Variants in IGFALS observed in about 807,000 individuals in gnomAD.
The protein encoded by IGFALS is insulin like growth factor binding protein acid labile subunit.
A neutral mutation model predicts 2.6 loss-of-function variants in IGFALS; 2 were observed. That is an observed-to-expected ratio of 0.77 (90% CI 0.32 to 2.44). IGFALS has a LOEUF of 2.44. Among genes scored for constraint, IGFALS ranks in the 30% most tolerant of loss-of-function variants. IGFALS has a pLI of 0.11. For synonymous variants in IGFALS, 519 were observed against 431.9 expected (o/e 1.20, Z -2.50); for missense variants, 996 against 848.7 (o/e 1.17, Z -2.16).
At chr16:1,794,468 G>T (rs960754495), upstream of IGFALS, among the ~76,000 whole-genome samples, 2 of 152,152 alleles carry the variant, frequency 1.3e-5, no homozygotes, top group African/African-American at 4.8e-5. Context: ...CAAGGCTCTG[G>T]TGAGGGCCTG....
rs370544997 is a variant in IGFALS at position 1,791,213 on chromosome 16, C to T, written c.1205G>A (p.Arg402His). 45 of 1,607,720 alleles carry T rather than the reference C, an allele frequency of 2.8e-5. No homozygotes were observed. The highest frequency in any genetic ancestry group is 3.6e-5 in the Non-Finnish European group (43 of 1,179,870). ...CGAGAGGCCGGTGAAGGTGTGCGGG[C>T]GGATGCGTCCCAGGCAGCTGCCCTC... ...HLEGSCLGRIRPHTFTGLSGL... is the reference protein window; with the variant it reads ...HLEGSCLGRIHPHTFTGLSGL... Residue 402 changes from arginine (R) to histidine (H), a missense_variant, in exon 2 of 2, where the codon CGC becomes CAC. Coordinates refer to ENST00000215539, the MANE Select transcript of IGFALS (RefSeq NM_004970.3).
In IGFALS at chr16:1,791,710, G is replaced by T; in HGVS notation, c.708C>A (p.Asn236Lys). The T allele has an allele frequency of 6.4e-7, 1 of 1,568,352 alleles. No individual in the cohort carries two copies. Residue 236 changes from asparagine (N) to lysine (K), a missense_variant, in exon 2 of 2, where the codon AAC becomes AAA. Transcript: ENST00000215539. ...GGAGCCGGGGCAGCTGCACGAACAC[G>T]TTTGCCTTGATGGCCCGCAGCGCGT... ...SRNALRAIKA[N>K]VFVQLPRLQK... is the part of the protein sequence containing the mutation.
Position 1,792,016 on chromosome 16 carries a change from C to T in IGFALS, c.402G>A (p.Leu134=). The T allele has an allele frequency of 6.2e-7, 1 of 1,609,850 alleles. No homozygotes were observed. The part of the protein sequence containing the change: ...LCHLHLERNQ[L]RSLALGTFAH... ...CAAACGTGCCGAGTGCCAGGCTGCG[C>T]AGCTGGTTCCGCTCCAGGTGCAGGT... Residue 134 remains leucine (L), a synonymous_variant, in exon 2 of 2, where the codon CTG becomes CTA. Coordinates refer to ENST00000215539, the MANE Select transcript of IGFALS (RefSeq NM_004970.3).
rs754644024 is a variant in IGFALS at position 1,791,586 on chromosome 16, C to T, written c.832G>A (p.Val278Met). Residue 278 changes from valine (V) to methionine (M), a missense_variant, in exon 2 of 2, where the codon GTG becomes ATG. Physicochemically the swap from Val to Met is conservative, Grantham distance 21. Transcript: ENST00000215539. ...LRWLDLSHNR[V>M]AGLLEDTFPG... The stretch of plus-strand genomic sequence containing the variant: ...AACGTGTCCTCCAGGAGGCCAGCCA[C>T]GCGGTTGTGGGACAGGTCCAGCCAT... 2.1e-5 allele frequency: 33 copies of T among 1,563,268 alleles called. 1 individual carries two copies. The highest frequency in any genetic ancestry group is 1.1e-4 in the African/African-American group (8 of 73,534).
Position 1,791,098 on chromosome 16 carries a change from G to A in IGFALS, c.1320C>T (p.Asp440=), listed in dbSNP as rs1897212869. Residue 440 remains aspartate (D), a synonymous_variant, in exon 2 of 2, where the codon GAC becomes GAT. Coordinates refer to ENST00000215539, the MANE Select transcript of IGFALS (RefSeq NM_004970.3). The part of the protein sequence containing the change: ...LWGLAELLEL[D]LTSNQLTHLP... ...GGTGCGTGAGCTGGTTGGAGGTCAGGTCGAGCTCCAGCAGCTCCGCCAGCC... is the reference window on the plus strand; with the variant it reads ...GGTGCGTGAGCTGGTTGGAGGTCAGATCGAGCTCCAGCAGCTCCGCCAGCC... The A allele has an allele frequency of 1.2e-6, 2 of 1,600,712 alleles. No individual in the cohort carries two copies. The highest frequency in any genetic ancestry group is 1.7e-6 in the Non-Finnish European group (2 of 1,179,680).
Position 1,791,089 on chromosome 16 carries a change from G to C in IGFALS, c.1329C>G (p.Ser443=), listed in dbSNP as rs1229839589. The change falls in exon 2 of 2, where the codon TCC becomes TCG. Residue 443 remains serine (S), a synonymous_variant. Coordinates refer to ENST00000215539, the MANE Select transcript of IGFALS (RefSeq NM_004970.3). ...LAELLELDLT[S]NQLTHLPHRL... ...GGTGGGGCAGGTGCGTGAGCTGGTT[G>C]GAGGTCAGGTCGAGCTCCAGCAGCT... 6.2e-7 allele frequency: 1 copy of C among 1,600,086 alleles called. No homozygotes were observed. The highest frequency in any genetic ancestry group is 1.7e-5 in the Admixed American group (1 of 60,006).
chr16:1,794,404 A>G (rs1897291439), upstream of IGFALS, among the ~76,000 whole-genome samples: 1 of 152,102 alleles, frequency 6.6e-6, no homozygotes, highest in South Asian at 2.1e-4. Flanking sequence ...TGGCCTGGCC[A>G]TGGGAGCCAG....
intron 1 of IGFALS, 118 bp downstream of exon 1, chr16:1,793,499 TCCCCAGAGTCCCCCGCAGAC>T: frequency 1.4e-6 from 1 of 697,932 alleles, no homozygotes; most frequent in South Asian, 2.2e-5. Context: ...GACTGTGGGC[TCCCCAGAGTCCCCCGCAGAC>T]CCCCAGAGCT....
chr16:1,791,007 C>G lies in IGFALS; in HGVS notation c.1411G>C (p.Ala471Pro), dbSNP rs376821550. The G allele has an allele frequency of 6.3e-7, 1 of 1,598,168 alleles. No individual in the cohort carries two copies. The highest frequency in any genetic ancestry group is 2.2e-5 in the East Asian group (1 of 44,866). ...EYLLLSRNRL[A>P]ELPADALGPL... Reference sequence around the variant, plus strand: ...CCCAGGGCGTCCGCCGGCAGCTCTGCCAGGCGGTTGCGGGAGAGCAGCAGG... The same window carrying G: ...CCCAGGGCGTCCGCCGGCAGCTCTGGCAGGCGGTTGCGGGAGAGCAGCAGG... Residue 471 changes from alanine to proline, a missense_variant, in exon 2 of 2, where the codon GCA (alanine) becomes CCA (proline). By Grantham distance (27) the Ala-to-Pro change is conservative. Transcript: ENST00000215539.
chr16:1,791,135 T>G lies in IGFALS; in HGVS notation c.1283A>C (p.Gln428Pro). The G allele has an allele frequency of 6.2e-7, 1 of 1,604,966 alleles. No homozygotes were observed. Among genetic ancestry groups the G allele is most frequent in the Non-Finnish European group, 8.5e-7 (1 of 1,179,744 alleles). Reference sequence around the variant, plus strand: ...CAGCTCCGCCAGCCCCCACAGGCTCTGCTCCTCAATGCCCACGAGGCCGTT... The same window carrying G: ...CAGCTCCGCCAGCCCCCACAGGCTCGGCTCCTCAATGCCCACGAGGCCGTT... ...KDNGLVGIEE[Q>P]SLWGLAELLE... is the part of the protein sequence containing the mutation. Residue 428 changes from glutamine (Q) to proline (P), a missense_variant, in exon 2 of 2, where the codon CAG (glutamine) becomes CCG (proline). Gln to Pro is a moderately conservative substitution (Grantham distance 76). Transcript: ENST00000215539.
upstream of IGFALS, among the ~76,000 whole-genome samples, chr16:1,794,482 G>T (rs1309563493): frequency 6.6e-6 from 1 of 152,078 alleles, no homozygotes; most frequent in Non-Finnish European, 1.5e-5. Context: ...GGGCCTGGCC[G>T]CCCCACAGTC....
Position 1,791,863 on chromosome 16 carries a change from G to T in IGFALS, c.555C>A (p.Leu185=). 6.4e-7 allele frequency: 1 copy of T among 1,557,696 alleles called. No individual in the cohort carries two copies. The highest frequency in any genetic ancestry group is 8.7e-7 in the Non-Finnish European group (1 of 1,152,328). ...LNLGWNSLAV[L]PDAAFRGLGS... is the part of the protein sequence containing the mutation. Reference sequence around the variant, plus strand: ...CCAGGCCGCGGAACGCCGCATCGGGGAGCACCGCCAGGCTATTCCAGCCGA... The same window carrying T: ...CCAGGCCGCGGAACGCCGCATCGGGTAGCACCGCCAGGCTATTCCAGCCGA... The change falls in exon 2 of 2, where the codon CTC becomes CTA. Residue 185 remains leucine, a synonymous_variant. Coordinates refer to ENST00000215539, the MANE Select transcript of IGFALS (RefSeq NM_004970.3).
chr16:1,793,577 G>GC, intron 1 of IGFALS, 60 bp downstream of exon 1: 1 of 1,537,834 alleles, frequency 6.5e-7, no homozygotes, highest in Non-Finnish European at 8.9e-7. Flanking sequence ...CTCCCCAGCG[G>GC]GCTCAGGGTC....
chr16:1,792,105 G>T lies in IGFALS; in HGVS notation c.313C>A (p.Leu105Met), dbSNP rs780955668. 1.2e-6 allele frequency: 2 copies of T among 1,610,976 alleles called. No homozygotes were observed. The highest frequency in any genetic ancestry group is 1.7e-6 in the Non-Finnish European group (2 of 1,179,476). Residue 105 changes from leucine to methionine, a missense_variant, in exon 2 of 2, where the codon CTG (leucine) becomes ATG (methionine). Coordinates refer to ENST00000215539, the MANE Select transcript of IGFALS (RefSeq NM_004970.3). ...QNLSSLGFLN[L>M]QGGQLGSLEP... ...AGGCTGCCCAGCTGGCCGCCCTGCA[G>T]GTTGAGGAAGCCCAGGCTGGAGAGG... is the stretch of plus-strand genomic sequence containing the variant.
Position 1,791,198 on chromosome 16 carries a change from G to C in IGFALS, c.1220C>G (p.Thr407Ser). The C allele has an allele frequency of 1.2e-6, 2 of 1,608,004 alleles. No individual in the cohort carries two copies. The highest frequency in any genetic ancestry group is 1.7e-4 in the Middle Eastern group (1 of 6,042). Residue 407 changes from threonine (T) to serine (S), a missense_variant, in exon 2 of 2, where the codon ACC becomes AGC. Physicochemically the swap from Thr to Ser is moderately conservative, Grantham distance 58. Transcript: ENST00000215539. ...GAGTCGGCGGAGCCCCGAGAGGCCG[G>C]TGAAGGTGTGCGGGCGGATGCGTCC... ...CLGRIRPHTF[T>S]GLSGLRRLFL... is the part of the protein sequence containing the mutation.
In IGFALS at chr16:1,791,076, G is replaced by C; in HGVS notation, c.1342C>G (p.His448Asp). Reference sequence around the variant, plus strand: ...CCCTGGAAGAGGCGGTGGGGCAGGTGCGTGAGCTGGTTGGAGGTCAGGTCG... The same window carrying C: ...CCCTGGAAGAGGCGGTGGGGCAGGTCCGTGAGCTGGTTGGAGGTCAGGTCG... The part of the protein sequence containing the change: ...ELDLTSNQLT[H>D]LPHRLFQGLG... The change falls in exon 2 of 2, where the codon CAC (histidine) becomes GAC (aspartate). Residue 448 changes from histidine (H) to aspartate (D), a missense_variant. Physicochemically the swap from His to Asp is moderately conservative, Grantham distance 81. Transcript: ENST00000215539. 1 of 1,599,006 alleles carries C rather than the reference G, an allele frequency of 6.3e-7. No homozygotes were observed. Among genetic ancestry groups the C allele is most frequent in the Non-Finnish European group, 8.5e-7 (1 of 1,179,706 alleles).
chr16:1,792,560 A>C, intron 1 of IGFALS, 159 bp from the exon 2 acceptor site: 8 of 1,350,694 alleles, frequency 5.9e-6, no homozygotes, highest in South Asian at 1.6e-5. Context: ...CCTCCGGCTC[A>C]AAAGCTGACA....
At position 1,791,575 on chromosome 16, in the gene IGFALS, G is replaced by C; in HGVS notation, c.843C>G (p.Leu281=). The C allele has an allele frequency of 1.3e-6, 2 of 1,564,400 alleles. No homozygotes were observed. Among genetic ancestry groups the C allele is most frequent in the South Asian group, 2.3e-5 (2 of 85,744 alleles). The part of the protein sequence containing the change: ...LDLSHNRVAG[L]LEDTFPGLLG... ...GCAGACCGGGGAACGTGTCCTCCAG[G>C]AGGCCAGCCACGCGGTTGTGGGACA... is the stretch of plus-strand genomic sequence containing the variant. The change falls in exon 2 of 2, where the codon CTC becomes CTG. Residue 281 remains leucine (L), a synonymous_variant. Transcript: ENST00000215539.
Position 1,790,870 on chromosome 16 carries a change from G to A in IGFALS, c.1548C>T (p.Asn516=). ...GRLRYLSLRN[N]SLRTFTPQPP... Reference sequence around the variant, plus strand: ...GCTGCGGCGTGAAGGTCCGCAGTGAGTTGTTCCTGAGGCTGAGGTAGCGCA... The same window carrying A: ...GCTGCGGCGTGAAGGTCCGCAGTGAATTGTTCCTGAGGCTGAGGTAGCGCA... The change falls in exon 2 of 2, where the codon AAC becomes AAT. Residue 516 remains asparagine, a synonymous_variant. Transcript: ENST00000215539. 1.3e-6 allele frequency: 2 copies of A among 1,569,676 alleles called. No homozygotes were observed. The highest frequency in any genetic ancestry group is 2.4e-5 in the East Asian group (1 of 42,368).
Sources: gnomAD v4.1 joint callset for allele counts (sites outside exome capture counted in the v4.1 genomes callset) on GRCh38, gnomAD v4.1.1 for gene constraint, MANE v1.5 for transcripts, NCBI Gene and HGNC (gene_info 2026-07-23, HGNC 2026-07-21) for gene names.